Variants in DNAH14 observed in about 807,000 individuals in gnomAD.
DNAH14 encodes the protein axonemal beta dynein heavy chain 14.
Under a neutral mutation model 520.9 loss-of-function variants are expected in DNAH14, and 478 were observed. That is an observed-to-expected ratio of 0.92 (90% CI 0.85 to 0.99). The LOEUF (loss-of-function observed/expected upper bound fraction) is 0.99. DNAH14 is among the 50% of genes least tolerant of loss of function. The probability of loss-of-function intolerance (pLI) is 0.00; values close to 1 mark genes in which losing one functional copy is unlikely to be tolerated. For synonymous variants in DNAH14, 1,581 were observed against 1,757.2 expected, an observed-to-expected ratio of 0.90 and a Z score of 2.51; for missense variants, 4,831 against 5,234.5, an observed-to-expected ratio of 0.92 and a Z score of 2.38.
chr1:225,191,047 A>G (rs1344507698), intron 37 of DNAH14, among the ~76,000 whole-genome samples: 7 of 151,922 alleles, frequency 4.6e-5, no homozygotes, highest in Admixed American at 3.3e-4. Flanking sequence ...TAGATTCATT[A>G]TTATTGTTTA....
At chr1:225,377,994 T>C (rs1013826272) in intron 79 of DNAH14, among the ~76,000 whole-genome samples, 3 of 152,114 alleles carry the variant, frequency 2.0e-5, no homozygotes, top group African/African-American at 7.2e-5. Flanking sequence ...TCCCTAATAT[T>C]TTATATCAAT....
intron 69 of DNAH14, 81 bp from the exon 70 acceptor site, chr1:225,345,881 A>G: frequency 8.1e-7 from 1 of 1,227,110 alleles, no homozygotes; most frequent in South Asian, 1.6e-5. Context: ...ACAAACCCTT[A>G]CACAAAGAGT....
At chr1:225,103,721 G>C (rs61849805) in intron 23 of DNAH14, among the ~76,000 whole-genome samples, 1 of 152,136 alleles carries the variant, frequency 6.6e-6, no homozygotes, top group Non-Finnish European at 1.5e-5. Context: ...GAACGCTTGT[G>C]ATTTTTGCAC....
chr1:225,334,751 C>A (rs1190313821), intron 66 of DNAH14, among the ~76,000 whole-genome samples: 2 of 151,584 alleles, frequency 1.3e-5, no homozygotes, highest in Admixed American at 6.6e-5. Context: ...TGCCTATAGT[C>A]CTAACTACTT....
intron 11 of DNAH14, among the ~76,000 whole-genome samples, chr1:225,036,024 C>T (rs918784748): frequency 5.9e-5 from 9 of 152,168 alleles, no homozygotes; most frequent in South Asian, 2.1e-4. Flanking sequence ...ACATGAAAGG[C>T]GGCTCGCCAG....
chr1:225,379,955 T>A (rs1236385893), intron 79 of DNAH14, among the ~76,000 whole-genome samples: 1 of 152,216 alleles, frequency 6.6e-6, no homozygotes. Context: ...CATTTATCCT[T>A]TGTGTTGGGA....
intron 4 of DNAH14, among the ~76,000 whole-genome samples, chr1:224,962,892 A>T (rs2060931508): frequency 6.6e-6 from 1 of 152,168 alleles, no homozygotes; most frequent in African/African-American, 2.4e-5. Flanking sequence ...GCCAAATTAC[A>T]CTAAAAAATG....
At chr1:225,243,241 C>T (rs1451978718) in intron 43 of DNAH14, among the ~76,000 whole-genome samples, 1 of 151,830 alleles carries the variant, frequency 6.6e-6, no homozygotes, top group African/African-American at 2.4e-5. Context: ...TATCTTAAAA[C>T]AATGAATATG....
At chr1:225,283,883 G>T (rs1476361820) in intron 54 of DNAH14, among the ~76,000 whole-genome samples, 1 of 152,106 alleles carries the variant, frequency 6.6e-6, no homozygotes, top group Non-Finnish European at 1.5e-5. Context: ...CAAAAGGAAA[G>T]TTGGGATATT....
chr1:225,036,304 T>G (rs1370687728), intron 11 of DNAH14, among the ~76,000 whole-genome samples: 1 of 151,952 alleles, frequency 6.6e-6, no homozygotes, highest in Non-Finnish European at 1.5e-5. Context: ...CCAGGCTAAT[T>G]TTTTGTATTT....
At chr1:225,042,063 A>C (rs1184565718) in intron 12 of DNAH14, among the ~76,000 whole-genome samples, 3 of 152,186 alleles carry the variant, frequency 2.0e-5, no homozygotes, top group African/African-American at 7.2e-5. Flanking sequence ...AGTCACCTTC[A>C]ATATCTACTC....
intron 27 of DNAH14, among the ~76,000 whole-genome samples, chr1:225,127,913 A>C (rs1431182489): frequency 1.3e-5 from 2 of 152,132 alleles, no homozygotes; most frequent in African/African-American, 4.8e-5. Flanking sequence ...GGTGGTGACA[A>C]AATCTCTCAG....
At chr1:225,003,684 A>T (rs2063942421) in intron 9 of DNAH14, among the ~76,000 whole-genome samples, 1 of 152,028 alleles carries the variant, frequency 6.6e-6, no homozygotes, top group Non-Finnish European at 1.5e-5. Context: ...AGAATAAACT[A>T]ATGAAGGAGG....
intron 1 of DNAH14, among the ~76,000 whole-genome samples, chr1:224,933,298 T>C (rs1436682681): frequency 6.6e-6 from 1 of 152,144 alleles, no homozygotes; most frequent in African/African-American, 2.4e-5. Context: ...CTTTACTGAA[T>C]TCATCTATAA....
Position 225,206,082 on chromosome 1 carries a change from G to A in DNAH14, c.6089G>A (p.Arg2030Lys). Reference sequence around the variant, plus strand: ...ACATTGTGCCTAGCAAACAGTGAGAGAATAGCTTTAACTAATAAAATAAGA... The same window carrying A: ...ACATTGTGCCTAGCAAACAGTGAGAAAATAGCTTTAACTAATAAAATAAGA... ...TRTLCLANSE[R>K]IALTNKIRVI... Residue 2030 changes from arginine (R) to lysine (K), a missense_variant, in exon 40 of 86, where the codon AGA becomes AAA. Physicochemically the swap from Arg to Lys is conservative, Grantham distance 26 (BLOSUM62 2). Transcript: ENST00000682510. The A allele has an allele frequency of 6.4e-7, 1 of 1,551,526 alleles. No individual in the cohort carries two copies. The highest frequency in any genetic ancestry group is 8.7e-7 in the Non-Finnish European group (1 of 1,146,840).
At chr1:225,376,236 G>A (rs2095699079) in intron 78 of DNAH14, among the ~76,000 whole-genome samples, 1 of 152,098 alleles carries the variant, frequency 6.6e-6, no homozygotes, top group Admixed American at 6.5e-5. Context: ...AGACCAGCCT[G>A]GCCAACATGA....
chr1:225,234,468 G>A (rs1033363390), intron 42 of DNAH14, among the ~76,000 whole-genome samples: 8 of 152,282 alleles, frequency 5.3e-5, no homozygotes, highest in East Asian at 3.9e-4. Context: ...GATTACAGGC[G>A]TGAGCCACTG....
intron 52 of DNAH14, among the ~76,000 whole-genome samples, chr1:225,274,496 A>G (rs2093416885): frequency 6.6e-6 from 1 of 152,088 alleles, no homozygotes; most frequent in Non-Finnish European, 1.5e-5. Flanking sequence ...GCCCGGCCGC[A>G]TCTGTTATTT....
rs2081434095 is a variant in DNAH14 at position 225,160,758 on chromosome 1, C to T, written c.5445+1273C>T. ...CATTTCTTATTTTCCTAATTTGTGT[C>T]TTCTTCCTTGATTGCATTGTCTGTT... On this transcript the variant is annotated intron_variant, in intron 35 of 85. Coordinates refer to ENST00000682510, the MANE Select transcript of DNAH14 (RefSeq NM_001367479.1). 3.9e-5 allele frequency among the ~76,000 whole-genome samples: 6 copies of T among 152,016 alleles called. No homozygotes were observed. In the South Asian group the frequency reaches 1.0e-3, roughly 26 times the overall value.
Sources: gnomAD v4.1 joint callset for allele counts (sites outside exome capture counted in the v4.1 genomes callset) on GRCh38, gnomAD v4.1.1 for gene constraint, MANE v1.5 for transcripts, NCBI Gene and HGNC (gene_info 2026-07-23, HGNC 2026-07-21) for gene names.